CACNA1E: variants seen among roughly 807,000 people sequenced by gnomAD.
CACNA1E encodes voltage-dependent R-type calcium channel subunit alpha-1E.
Under a neutral mutation model 259.2 loss-of-function variants are expected in CACNA1E, and 40 were observed. That is an observed-to-expected ratio of 0.15 (90% CI 0.12 to 0.20). The LOEUF (loss-of-function observed/expected upper bound fraction) is 0.20. Among genes scored for constraint, CACNA1E ranks in the 10% least tolerant of loss-of-function variants. The pLI is 1.00. For synonymous variants in CACNA1E, 1,104 were observed against 1,138.5 expected, an observed-to-expected ratio of 0.97 and a Z score of 0.61; for missense variants, 1,874 against 3,040.1, an observed-to-expected ratio of 0.62 and a Z score of 9.02.
Position 181,771,335 on chromosome 1 carries a change from C to A in CACNA1E, c.4924C>A (p.Arg1642=), listed in dbSNP as rs1294061346. The A allele has an allele frequency of 1.2e-6, 2 of 1,602,092 alleles. No homozygotes were observed. The highest frequency in any genetic ancestry group is 1.7e-6 in the Non-Finnish European group (2 of 1,172,634). Residue 1642 remains arginine, a synonymous_variant, in exon 36 of 48, where the codon CGG becomes AGG. Coordinates refer to ENST00000367573, the MANE Select transcript of CACNA1E (RefSeq NM_001205293.3). The part of the protein sequence containing the change: ...IKLDEESHIN[R]HNNFRSFFGS... ...ATTAGACGAGGAGAGTCACATCAAC[C>A]GGCACAACAACTTCCGGAGTTTCTT...
intron 1 of CACNA1E, among the ~76,000 whole-genome samples, chr1:181,369,315 G>A (rs530974133): frequency 1.2e-4 from 18 of 152,222 alleles, no homozygotes; most frequent in African/African-American, 3.9e-4. Flanking sequence ...TTTAATGGCC[G>A]CATCTTCGGG....
At chr1:181,795,602 G>A (rs1479150539) in intron 46 of CACNA1E, among the ~76,000 whole-genome samples, 2 of 151,436 alleles carry the variant, frequency 1.3e-5, no homozygotes, top group Non-Finnish European at 1.5e-5. Context: ...CACCGTGCCC[G>A]GCTAATTTTT....
chr1:181,798,472 C>T lies in CACNA1E; in HGVS notation c.6580C>T (p.Pro2194Ser), dbSNP rs1451686399. The T allele has an allele frequency of 1.2e-6, 2 of 1,613,858 alleles. No homozygotes were observed. The highest frequency in any genetic ancestry group is 1.3e-5 in the African/African-American group (1 of 75,050). ...TGCTGATGGAAGCGAGGAGGGCTCCCCGCTGACCTCCCAAGCTCTGGAGAG... is the reference window on the plus strand; with the variant it reads ...TGCTGATGGAAGCGAGGAGGGCTCCTCGCTGACCTCCCAAGCTCTGGAGAG... ...PPADGSEEGS[P>S]LTSQALESNN... Residue 2194 changes from proline (P) to serine (S), a missense_variant, in exon 48 of 48, where the codon CCG becomes TCG. Around this residue, in one of 14 missense-constraint regions of CACNA1E, gnomAD observed 542 missense variants for 587.2 expected, o/e 0.92. Coordinates refer to ENST00000367573, the MANE Select transcript of CACNA1E (RefSeq NM_001205293.3). This position sits in a 1 kb window ranked among gnomAD's most constrained non-coding sequence, Gnocchi z 4.2.
intron 2 of CACNA1E, among the ~76,000 whole-genome samples, chr1:181,449,097 T>C (rs1029205034): frequency 2.6e-5 from 4 of 152,236 alleles, no homozygotes; most frequent in Non-Finnish European, 5.9e-5. Flanking sequence ...GGGCCACATC[T>C]GGAGGCCTCC....
rs1308760534 is a variant in CACNA1E at position 181,776,992 on chromosome 1, T to G, written c.5267+764T>G. 1.3e-5 allele frequency among the ~76,000 whole-genome samples: 2 copies of G among 152,226 alleles called. No individual in the cohort carries two copies. The highest frequency in any genetic ancestry group is 6.5e-5 in the Admixed American group (1 of 15,284). ...CATACTACAAGGAAGAGGTGAGTGA[T>G]TGTGACAGAGATGGTATGGTCCTCA... On this transcript the variant is annotated intron_variant, in intron 38 of 47. Transcript: ENST00000367573. This position sits in a 1 kb window ranked among gnomAD's most constrained non-coding sequence, Gnocchi z 4.4.
At chr1:181,759,140 A>G (rs991335248) in intron 32 of CACNA1E, among the ~76,000 whole-genome samples, 1 of 152,224 alleles carries the variant, frequency 6.6e-6, no homozygotes, top group African/African-American at 2.4e-5. Flanking sequence ...CTAGAACTGC[A>G]ATTTATGTGT....
chr1:181,396,664 C>T (rs1194745975), intron 1 of CACNA1E, among the ~76,000 whole-genome samples: 1 of 152,154 alleles, frequency 6.6e-6, no homozygotes, highest in Non-Finnish European at 1.5e-5. Flanking sequence ...ATTGATGACG[C>T]AGAAGAGAAA....
intron 3 of CACNA1E, among the ~76,000 whole-genome samples, chr1:181,568,054 T>C (rs1026114921): frequency 1.3e-5 from 2 of 152,174 alleles, no homozygotes; most frequent in Non-Finnish European, 2.9e-5. Flanking sequence ...CTTTATATGC[T>C]TTTACCTTTG....
chr1:181,562,690 G>T (rs545147263), intron 3 of CACNA1E, among the ~76,000 whole-genome samples: 1 of 152,300 alleles, frequency 6.6e-6, no homozygotes, highest in East Asian at 1.9e-4. Flanking sequence ...TGGACACTGG[G>T]TGTCAGCACT....
rs367628050 is a variant in CACNA1E at position 181,420,706 on chromosome 1, C to A, written c.434+7126C>A. 3.4e-4 allele frequency among the ~76,000 whole-genome samples: 52 copies of A among 152,160 alleles called. No homozygotes were observed. In the South Asian group the frequency reaches 0.011, roughly 32 times the overall value. Reference sequence around the variant, plus strand: ...TTTATTCTAATGGAAATAATAGGTACCATGATGAAGAACAGAAACATTTTG... The same window carrying A: ...TTTATTCTAATGGAAATAATAGGTAACATGATGAAGAACAGAAACATTTTG... On this transcript the variant is annotated intron_variant, in intron 2 of 11. Coordinates refer to the CACNA1E transcript ENST00000524607.
intron 6 of CACNA1E, among the ~76,000 whole-genome samples, chr1:181,600,037 G>C (rs1184895926): frequency 6.6e-6 from 1 of 152,236 alleles, no homozygotes; most frequent in African/African-American, 2.4e-5. Flanking sequence ...AGCAAAGGAA[G>C]GGGCAGAGAG....
intron 1 of CACNA1E, among the ~76,000 whole-genome samples, chr1:181,357,329 A>AG: frequency 6.6e-6 from 1 of 152,086 alleles, no homozygotes; most frequent in East Asian, 1.9e-4. Flanking sequence ...AGAAGTCCTC[A>AG]GGGGGGCATT....
intron 6 of CACNA1E, among the ~76,000 whole-genome samples, chr1:181,630,571 G>A (rs969898873): frequency 4.6e-5 from 7 of 152,038 alleles, no homozygotes; most frequent in Non-Finnish European, 1.0e-4. Context: ...TACGGCCCAG[G>A]CACTCCTCTG....
intron 6 of CACNA1E, among the ~76,000 whole-genome samples, chr1:181,582,886 G>T (rs1056642024): frequency 2.6e-5 from 4 of 152,118 alleles, no homozygotes; most frequent in African/African-American, 9.7e-5. Flanking sequence ...GAAGGAGGGA[G>T]GGGAGGAGAT....
At chr1:181,780,389 T>C (rs1660321040) in intron 38 of CACNA1E, among the ~76,000 whole-genome samples, 1 of 152,164 alleles carries the variant, frequency 6.6e-6, no homozygotes, top group Non-Finnish European at 1.5e-5. Flanking sequence ...TCCCAATGGC[T>C]CTACTAAGCC....
At chr1:181,793,579 C>T (rs1661517252) in intron 44 of CACNA1E, 86 bp from the exon 45 acceptor site, 1 of 1,443,832 alleles carries the variant, frequency 6.9e-7, no homozygotes. Context: ...GAAAGCCATT[C>T]TTGAGGAGGC....
intron 10 of CACNA1E, among the ~76,000 whole-genome samples, 191 bp downstream of exon 10, chr1:181,716,320 G>A (rs1289419112): frequency 6.6e-6 from 1 of 151,632 alleles, no homozygotes; most frequent in Non-Finnish European, 1.5e-5. Context: ...AAAGGACCTG[G>A]GGATGCTATT....
chr1:181,779,854 C>T (rs1660276800), intron 38 of CACNA1E, among the ~76,000 whole-genome samples: 1 of 114,684 alleles, frequency 8.7e-6, no homozygotes, highest in Admixed American at 8.9e-5. Context: ...ACACACAGGT[C>T]CACCTTAGTC....
At chr1:181,655,622 A>T (rs1199521604) in intron 7 of CACNA1E, among the ~76,000 whole-genome samples, 1 of 152,164 alleles carries the variant, frequency 6.6e-6, no homozygotes, top group Non-Finnish European at 1.5e-5. Context: ...TTGAAGAAAG[A>T]GAAGAATGTG....
Sources: gnomAD v4.1 joint callset for allele counts (sites outside exome capture counted in the v4.1 genomes callset) on GRCh38, gnomAD v4.1.1 for gene constraint, gnomAD v4.1.1 regional missense constraint, Gnocchi (gnomAD v3.1) non-coding constraint, MANE v1.5 for transcripts, NCBI Gene and HGNC (gene_info 2026-07-23, HGNC 2026-07-21) for gene names.